The following CDH13 variants were observed in gnomAD, a reference collection of about 807,000 sequenced individuals.
The protein encoded by CDH13 is cadherin-13.
CDH13 carries 24 observed loss-of-function variants against 63.8 expected under a neutral mutation model. That is an observed-to-expected ratio of 0.38 (90% CI 0.27 to 0.53). The LOEUF (loss-of-function observed/expected upper bound fraction) is 0.53, where lower values mean the gene tolerates loss of function less well. CDH13 is among the 20% of genes least tolerant of loss of function. The probability of loss-of-function intolerance (pLI) is 0.85; values close to 1 mark genes in which losing one functional copy is unlikely to be tolerated. For synonymous variants in CDH13, 503 were observed against 355.3 expected, an observed-to-expected ratio of 1.42 and a Z score of -4.67; for missense variants, 1,049 against 903.1, an observed-to-expected ratio of 1.16 and a Z score of -2.07.
At chr16:83,024,508 C>T (rs558457950) in intron 2 of CDH13, among the ~76,000 whole-genome samples, 1 of 152,090 alleles carries the variant, frequency 6.6e-6, no homozygotes, top group East Asian at 1.9e-4. Flanking sequence ...GCTCTAGAAC[C>T]AGAAACCACA....
intron 1 of CDH13, among the ~76,000 whole-genome samples, chr16:82,753,814 A>G (rs2034512129): frequency 6.6e-6 from 1 of 152,184 alleles, no homozygotes; most frequent in Non-Finnish European, 1.5e-5. Flanking sequence ...AGCTGTCCAA[A>G]CATCAAGAGA....
At chr16:83,388,180 A>T (rs1423651282) in intron 6 of CDH13, among the ~76,000 whole-genome samples, 2 of 151,628 alleles carry the variant, frequency 1.3e-5, no homozygotes, top group Non-Finnish European at 2.9e-5. Flanking sequence ...TGGGCTAGGC[A>T]TGGTGGCTTA....
chr16:83,556,171 C>G (rs1034721213), intron 7 of CDH13, among the ~76,000 whole-genome samples: 2 of 152,182 alleles, frequency 1.3e-5, no homozygotes, highest in African/African-American at 2.4e-5. Context: ...TTAGGAGAGG[C>G]TTAGAGACAA....
chr16:82,858,495 T>C (rs1247749860), intron 2 of CDH13, 22 bp downstream of exon 2: 11 of 1,387,978 alleles, frequency 7.9e-6, no homozygotes, highest in Non-Finnish European at 9.2e-6. Context: ...CACTCAAAGA[T>C]GCTTTTAGAC....
intron 2 of CDH13, chr16:82,858,776 C>T (rs1335492326): frequency 2.4e-5 from 11 of 458,186 alleles, no homozygotes; most frequent in African/African-American, 1.4e-4. Context: ...AAATGAAATT[C>T]ATTTCCCCTG....
chr16:83,265,931 G>A (rs1275074665), intron 5 of CDH13, among the ~76,000 whole-genome samples: 3 of 151,372 alleles, frequency 2.0e-5, no homozygotes, highest in South Asian at 2.1e-4. Flanking sequence ...AGTTATTTTC[G>A]GTTTTTTGTT....
intron 1 of CDH13, among the ~76,000 whole-genome samples, chr16:82,730,704 A>C (rs137972400): frequency 2.6e-4 from 40 of 152,332 alleles, no homozygotes; most frequent in Middle Eastern, 3.4e-3. Flanking sequence ...AGAAACCTTC[A>C]ATTTGTAAAA....
At chr16:83,527,263 C>G (rs2074985709) in intron 7 of CDH13, among the ~76,000 whole-genome samples, 1 of 152,044 alleles carries the variant, frequency 6.6e-6, no homozygotes, top group Admixed American at 6.5e-5. Flanking sequence ...TCCTAGCCAA[C>G]ACGGTGAAAC....
chr16:82,824,689 A>G (rs2038160385), intron 1 of CDH13: 1 of 152,236 alleles, frequency 6.6e-6, no homozygotes, highest in Non-Finnish European at 1.5e-5. Context: ...AACAATCCAA[A>G]TGATTCAACA....
chr16:83,684,275 G>T (rs897200315), intron 10 of CDH13, among the ~76,000 whole-genome samples: 5 of 152,092 alleles, frequency 3.3e-5, no homozygotes, highest in Non-Finnish European at 7.4e-5. Flanking sequence ...GCTGAGGCAG[G>T]AGAATTTCTT....
At chr16:82,957,005 GA>G (rs1906222481) in intron 2 of CDH13, among the ~76,000 whole-genome samples, 1 of 152,196 alleles carries the variant, frequency 6.6e-6, no homozygotes. Context: ...CTATCTGAGA[GA>G]TGTGTAGGAA....
At chr16:82,764,226 T>G (rs903613922) in intron 1 of CDH13, among the ~76,000 whole-genome samples, 7 of 152,212 alleles carry the variant, frequency 4.6e-5, no homozygotes, top group African/African-American at 1.4e-4. Context: ...TAAGCATGAC[T>G]GCAACTTTTG....
intron 5 of CDH13, among the ~76,000 whole-genome samples, chr16:83,299,682 C>T (rs1057020324): frequency 6.6e-6 from 1 of 152,170 alleles, no homozygotes; most frequent in African/African-American, 2.4e-5. Flanking sequence ...ATGATAAAAA[C>T]CAAACACCTT....
intron 4 of CDH13, among the ~76,000 whole-genome samples, chr16:83,169,703 T>C (rs963267701): frequency 2.6e-5 from 4 of 152,130 alleles, no homozygotes; most frequent in Admixed American, 6.6e-5. Context: ...GCCTGTCATA[T>C]GTTTGTTGCC....
intron 11 of CDH13, among the ~76,000 whole-genome samples, chr16:83,769,961 T>A (rs1914653812): frequency 3.3e-5 from 5 of 152,292 alleles, no homozygotes; most frequent in Middle Eastern, 3.4e-3. Context: ...CATGACCTAC[T>A]GCAACAAGGA....
chr16:83,201,179 G>T (rs995267607), intron 4 of CDH13, among the ~76,000 whole-genome samples: 5 of 151,978 alleles, frequency 3.3e-5, no homozygotes, highest in Admixed American at 6.6e-5. Flanking sequence ...ATTTCAGCTT[G>T]TCTTAGCATA....
At chr16:83,575,884 C>A (rs373668889) in intron 7 of CDH13, among the ~76,000 whole-genome samples, 7 of 152,148 alleles carry the variant, frequency 4.6e-5, no homozygotes, top group African/African-American at 1.4e-4. Flanking sequence ...CTTTGTACCC[C>A]CAGAAACTAG....
chr16:83,720,939 G>A (rs1193957486), intron 10 of CDH13, among the ~76,000 whole-genome samples: 1 of 152,214 alleles, frequency 6.6e-6, no homozygotes, highest in African/African-American at 2.4e-5. Flanking sequence ...ATTCCTCGGT[G>A]TGGGAGCCAT....
chr16:83,512,998 A>G (rs2074609002), intron 7 of CDH13, among the ~76,000 whole-genome samples: 1 of 147,566 alleles, frequency 6.8e-6, no homozygotes, highest in African/African-American at 2.5e-5. Context: ...TCCAGGAAGT[A>G]TTTCGCAGAT....
Sources: gnomAD v4.1 joint callset for allele counts (sites outside exome capture counted in the v4.1 genomes callset) on GRCh38, gnomAD v4.1.1 for gene constraint, MANE v1.5 for transcripts, NCBI Gene and HGNC (gene_info 2026-07-23, HGNC 2026-07-21) for gene names.